SMAD9: variants seen among roughly 807,000 people sequenced by gnomAD.
SMAD9 encodes the protein MAD homolog 9.
A neutral mutation model predicts 46.1 loss-of-function variants in SMAD9; 36 were observed. The observed-to-expected ratio is 0.78, with a 90% confidence interval of 0.60 to 1.03. SMAD9 has a LOEUF of 1.03. SMAD9 is among the 50% of genes least tolerant of loss of function. The probability of loss-of-function intolerance (pLI) is 0.00; values close to 1 mark genes in which losing one functional copy is unlikely to be tolerated. For synonymous variants in SMAD9, 245 were observed against 237.1 expected, an observed-to-expected ratio of 1.03 and a Z score of -0.31; for missense variants, 572 against 599.8, an observed-to-expected ratio of 0.95 and a Z score of 0.48.
At chr13:36,906,341 CGTAA>C (rs1272196470) in intron 1 of SMAD9, among the ~76,000 whole-genome samples, 5 of 151,902 alleles carry the variant, frequency 3.3e-5, no homozygotes, top group South Asian at 2.1e-4. Flanking sequence ...TGGAATTCCA[CGTAA>C]GTATCTTAGA....
chr13:36,919,763 G>C (rs2058727305), intron 1 of SMAD9, among the ~76,000 whole-genome samples: 1 of 149,118 alleles, frequency 6.7e-6, no homozygotes, highest in Non-Finnish European at 1.5e-5. Context: ...ATGCAGGCGC[G>C]AGGAAGGCGA....
intron 1 of SMAD9, among the ~76,000 whole-genome samples, chr13:36,895,787 C>T (rs2058523026): frequency 1.3e-5 from 2 of 152,078 alleles, no homozygotes; most frequent in African/African-American, 4.8e-5. Context: ...GACTGTTACC[C>T]AGTGAAGTTA....
rs1255063135 is a variant in SMAD9 at position 36,846,823 on chromosome 13, A to G, written c.*1853T>C. On this transcript the variant is annotated 3_prime_UTR_variant, in exon 7 of 7. Transcript: ENST00000379826. ...TCTTTCAAGCAAAAGATGATAGATT[A>G]CATTATTTTGTTTTGTTTTAAAAGT... is the stretch of plus-strand genomic sequence containing the variant. The G allele has an allele frequency of 4.6e-5, 7 of 152,236 alleles. No individual in the cohort carries two copies. Among genetic ancestry groups the G allele is most frequent in the Admixed American group, 4.6e-4 (7 of 15,282 alleles). 9.4% of individuals were successfully genotyped at this position (152,236 alleles called of 1,614,324 possible). A position where few individuals can be genotyped will look rare whatever the true frequency, so the allele number is the denominator to read the frequency against.
intron 1 of SMAD9, among the ~76,000 whole-genome samples, chr13:36,915,794 C>T (rs571509188): frequency 2.0e-5 from 3 of 152,180 alleles, no homozygotes; most frequent in South Asian, 2.1e-4. Flanking sequence ...AATATTTATG[C>T]CTTTTATTTT....
intron 6 of SMAD9, chr13:36,849,531 A>G (rs2058058146): frequency 6.6e-6 from 1 of 152,046 alleles, no homozygotes; most frequent in African/African-American, 2.4e-5. Context: ...TTTTACTTTC[A>G]TGACTGAGAA....
intron 1 of SMAD9, among the ~76,000 whole-genome samples, chr13:36,888,792 T>C (rs2058468198): frequency 6.6e-6 from 1 of 152,128 alleles, no homozygotes; most frequent in Non-Finnish European, 1.5e-5. Context: ...ATACAGAGTG[T>C]TTGTGTGCTT....
chr13:36,912,842 A>C (rs954977118), intron 1 of SMAD9, among the ~76,000 whole-genome samples: 3 of 152,162 alleles, frequency 2.0e-5, no homozygotes, highest in African/African-American at 7.2e-5. Flanking sequence ...ACTAACTAAA[A>C]ATTCACACAC....
At chr13:36,860,744 C>T (rs1272850093) in intron 5 of SMAD9, among the ~76,000 whole-genome samples, 4 of 152,052 alleles carry the variant, frequency 2.6e-5, no homozygotes, top group South Asian at 4.1e-4. Context: ...TGAGCCACCA[C>T]GCCCGGCCAC....
At chr13:36,919,300 C>G (rs1662265199) in intron 1 of SMAD9, among the ~76,000 whole-genome samples, 1 of 152,154 alleles carries the variant, frequency 6.6e-6, no homozygotes, top group African/African-American at 2.4e-5. Flanking sequence ...CTTCCGATCA[C>G]AAAGCTGGCG....
Position 36,861,923 on chromosome 13 carries a change from C to T in SMAD9, c.1003+3614G>A, listed in dbSNP as rs564127270. 2.7e-5 allele frequency among the ~76,000 whole-genome samples: 4 copies of T among 150,712 alleles called. No homozygotes were observed. The South Asian group carries it at 8.4e-4, about 32-fold the overall frequency. On this transcript the variant is annotated intron_variant, in intron 5 of 6. Transcript: ENST00000379826. ...CAGCCTGGGTGACAGAGCAAGACTC[C>T]CGTCTCAAAAAAAAAAAAAAATCTT...
At chr13:36,866,305 A>T (rs2058233676) in intron 4 of SMAD9, among the ~76,000 whole-genome samples, 1 of 152,022 alleles carries the variant, frequency 6.6e-6, no homozygotes, top group African/African-American at 2.4e-5. Context: ...TTCCACATAG[A>T]GGGGCTCACA....
intron 1 of SMAD9, among the ~76,000 whole-genome samples, chr13:36,886,466 A>G (rs996086736): frequency 6.6e-6 from 1 of 152,240 alleles, no homozygotes; most frequent in Non-Finnish European, 1.5e-5. Flanking sequence ...AGGGGCATGA[A>G]GCACAACAGA....
At chr13:36,889,741 T>G (rs1322155239) in intron 1 of SMAD9, among the ~76,000 whole-genome samples, 1 of 152,158 alleles carries the variant, frequency 6.6e-6, no homozygotes, top group Non-Finnish European at 1.5e-5. Flanking sequence ...TATTTTAGCA[T>G]GAATGATTAT....
intron 5 of SMAD9, among the ~76,000 whole-genome samples, chr13:36,857,367 A>G (rs2058136718): frequency 6.6e-6 from 1 of 152,214 alleles, no homozygotes; most frequent in African/African-American, 2.4e-5. Context: ...CTGAGATCAT[A>G]AAGAGAACAC....
At chr13:36,882,479 T>G (rs2058412741) in intron 1 of SMAD9, among the ~76,000 whole-genome samples, 1 of 152,168 alleles carries the variant, frequency 6.6e-6, no homozygotes, top group African/African-American at 2.4e-5. Flanking sequence ...CTGAAACATC[T>G]CGGGTCTCTG....
At chr13:36,899,015 C>A (rs1392951558) in intron 1 of SMAD9, among the ~76,000 whole-genome samples, 1 of 151,724 alleles carries the variant, frequency 6.6e-6, no homozygotes, top group African/African-American at 2.4e-5. Flanking sequence ...GTAAGGAAAT[C>A]CTAAAGAAAT....
At chr13:36,895,028 G>C (rs1166986005) in intron 1 of SMAD9, among the ~76,000 whole-genome samples, 1 of 152,038 alleles carries the variant, frequency 6.6e-6, no homozygotes, top group African/African-American at 2.4e-5. Context: ...TATTTACTTA[G>C]CACTCACCTC....
chr13:36,901,452 G>C (rs1299500128), intron 1 of SMAD9, among the ~76,000 whole-genome samples: 4 of 145,834 alleles, frequency 2.7e-5, no homozygotes, highest in Admixed American at 6.9e-5. Context: ...TTTTGAGACA[G>C]AGTCTTGCTC....
At chr13:36,872,460 G>C (rs1165815515) in intron 3 of SMAD9, among the ~76,000 whole-genome samples, 198 bp downstream of exon 3, 2 of 151,534 alleles carry the variant, frequency 1.3e-5, no homozygotes, top group Non-Finnish European at 2.9e-5. Context: ...ACTAAAACTA[G>C]AGGAAAAACA....
Sources: gnomAD v4.1 joint callset for allele counts (sites outside exome capture counted in the v4.1 genomes callset) on GRCh38, gnomAD v4.1.1 for gene constraint, MANE v1.5 for transcripts, NCBI Gene and HGNC (gene_info 2026-07-23, HGNC 2026-07-21) for gene names.